The following XIRP2 variants were observed in gnomAD, a reference collection of about 807,000 sequenced individuals.
XIRP2 encodes xin actin-binding repeat-containing protein 2.
XIRP2 carries 236 observed loss-of-function variants against 277.0 expected under a neutral mutation model. The observed-to-expected ratio is 0.85, with a 90% CI of 0.77 to 0.95. XIRP2 has a LOEUF of 0.95. Ranked by LOEUF, XIRP2 falls within the 40% of genes least tolerant of loss-of-function variation. XIRP2 has a pLI of 0.00. For synonymous variants in XIRP2, 1,490 were observed against 1,416.5 expected (o/e 1.05, Z -1.17); for missense variants, 4,640 against 4,157.5 (o/e 1.12, Z -3.19).
At position 167,218,289 on chromosome 2, in the gene XIRP2, A is replaced by C; in HGVS notation, c.847A>C (p.Arg283=). The C allele has an allele frequency of 6.4e-7, 1 of 1,562,946 alleles. No homozygotes were observed. Among genetic ancestry groups the C allele is most frequent in the South Asian group, 1.2e-5 (1 of 81,958 alleles). Residue 283 remains arginine (R), a synonymous_variant, in exon 5 of 11, where the codon AGA becomes CGA. Coordinates refer to ENST00000409195, the MANE Select transcript of XIRP2 (RefSeq NM_152381.6). ...TCAATACCAATATCAACATCAGAACAGATCTGAGCAGGTAATACTACTACA... is the reference window on the plus strand; with the variant it reads ...TCAATACCAATATCAACATCAGAACCGATCTGAGCAGGTAATACTACTACA... ...FAQYQYQHQN[R]SEQEAIHSSQ...
chr2:167,089,056 T>G (rs1312985370), intron 2 of XIRP2, among the ~76,000 whole-genome samples: 1 of 152,152 alleles, frequency 6.6e-6, no homozygotes, highest in Non-Finnish European at 1.5e-5. Context: ...AGTGGAATAG[T>G]TACCCTGCTA....
At chr2:166,919,161 T>C (rs1441553558) in intron 2 of XIRP2, among the ~76,000 whole-genome samples, 1 of 152,150 alleles carries the variant, frequency 6.6e-6, no homozygotes. Context: ...TATTTCATAA[T>C]ACATGGCACA....
rs182864591 is a variant in XIRP2, at chr2:166,995,369, A to G, written c.408+91479A>G. On this transcript the variant is annotated intron_variant, in intron 2 of 10. Coordinates refer to ENST00000409195, the MANE Select transcript of XIRP2 (RefSeq NM_152381.6). ...TTCTCTAAGTGATGCTTTAAGTGGT[A>G]CTTTACCACAAGTACTGCCTCTCTA... Among the ~76,000 whole-genome samples, 482 of 152,278 alleles carry G rather than the reference A, an allele frequency of 3.2e-3. 2 individuals are homozygous for G. The highest frequency in any genetic ancestry group is 2.3e-3 in the Non-Finnish European group (158 of 68,026).
At chr2:167,049,696 T>C (rs1004514383) in intron 2 of XIRP2, among the ~76,000 whole-genome samples, 27 of 152,064 alleles carry the variant, frequency 1.8e-4, no homozygotes, top group African/African-American at 6.3e-4. Flanking sequence ...TTAACTTTTG[T>C]CTTTTTATCT....
At chr2:167,143,557 A>G (rs567339884) in intron 3 of XIRP2, among the ~76,000 whole-genome samples, 1 of 152,292 alleles carries the variant, frequency 6.6e-6, no homozygotes, top group South Asian at 2.1e-4. Context: ...CATTTCAATT[A>G]ATGTCTTTAT....
At chr2:167,050,462 C>T (rs1289423165) in intron 2 of XIRP2, among the ~76,000 whole-genome samples, 2 of 151,906 alleles carry the variant, frequency 1.3e-5, no homozygotes, top group East Asian at 1.9e-4. Flanking sequence ...CCAAGTGATA[C>T]GAAAGCCCAG....
chr2:167,015,001 G>A (rs138912587), intron 2 of XIRP2, among the ~76,000 whole-genome samples: 1 of 151,544 alleles, frequency 6.6e-6, no homozygotes, highest in African/African-American at 2.4e-5. Context: ...ACACATCCAC[G>A]AGTCTCCTTT....
At chr2:167,220,699 A>G (rs1049168651) in intron 5 of XIRP2, among the ~76,000 whole-genome samples, 13 of 152,306 alleles carry the variant, frequency 8.5e-5, no homozygotes, top group Admixed American at 7.2e-4. Context: ...TGGAATATAC[A>G]TGCTCCTTAC....
rs1695120335 is a variant in XIRP2 at position 167,242,944 on chromosome 2, A to G, written c.1552A>G (p.Ile518Val). The change falls in exon 9 of 11, where the codon ATC (isoleucine) becomes GTC (valine). Residue 518 changes from isoleucine (I) to valine (V), a missense_variant. Transcript: ENST00000409195. Reference protein sequence around the residue: ...ELRKNLEKDYISEVSEIVSSQ... With the variant: ...ELRKNLEKDYVSEVSEIVSSQ... The stretch of plus-strand genomic sequence containing the variant: ...AAGAAAAAACTTAGAAAAAGATTAT[A>G]TCAGTGAAGTTTCTGAGATTGTTTC... The G allele has an allele frequency of 1.2e-6, 2 of 1,613,628 alleles. No homozygotes were observed. Among genetic ancestry groups the G allele is most frequent in the African/African-American group, 1.3e-5 (1 of 74,852 alleles).
chr2:166,956,252 G>A (rs2083023369), intron 2 of XIRP2, among the ~76,000 whole-genome samples: 1 of 151,808 alleles, frequency 6.6e-6, no homozygotes, highest in Admixed American at 6.6e-5. Context: ...ATTATGATGA[G>A]CATTTTTTTG....
intron 2 of XIRP2, among the ~76,000 whole-genome samples, chr2:167,011,384 G>C (rs1186835497): frequency 2.0e-5 from 3 of 151,010 alleles, no homozygotes; most frequent in South Asian, 2.1e-4. Flanking sequence ...TTATTGATTT[G>C]TGTATATTGA....
chr2:167,058,900 T>C (rs1159295852), intron 2 of XIRP2, among the ~76,000 whole-genome samples: 1 of 152,076 alleles, frequency 6.6e-6, no homozygotes, highest in East Asian at 1.9e-4. Context: ...AGAACCCAAC[T>C]AGAGTAATTT....
At chr2:166,898,288 A>G (rs1394206423) in intron 1 of XIRP2, among the ~76,000 whole-genome samples, 1 of 152,100 alleles carries the variant, frequency 6.6e-6, no homozygotes, top group Admixed American at 6.6e-5. Flanking sequence ...TGAAGGGTGC[A>G]TTGGAACTGA....
At chr2:167,044,678 C>G (rs1394507104) in intron 2 of XIRP2, among the ~76,000 whole-genome samples, 1 of 151,934 alleles carries the variant, frequency 6.6e-6, no homozygotes, top group African/African-American at 2.4e-5. Context: ...ACAATAACCA[C>G]AAAAAGAATA....
rs565397582 is a variant in XIRP2 at position 167,086,980 on chromosome 2, T to C, written c.409-48929T>C. Among the ~76,000 whole-genome samples, 2 of 152,094 alleles carry C rather than the reference T, an allele frequency of 1.3e-5. 1 individual carries two copies. The highest frequency in any genetic ancestry group is 6.3e-3 in the Middle Eastern group (2 of 316). On this transcript the variant is annotated intron_variant, in intron 2 of 10. Coordinates refer to ENST00000409195, the MANE Select transcript of XIRP2 (RefSeq NM_152381.6). ...TCTCCATCCAGCTTTGTTCCGTTGCTGGTGAGGAACTGCGTTCCTTTGGAG... is the reference window on the plus strand; with the variant it reads ...TCTCCATCCAGCTTTGTTCCGTTGCCGGTGAGGAACTGCGTTCCTTTGGAG...
At chr2:167,107,634 G>T (rs1423557872) in intron 2 of XIRP2, among the ~76,000 whole-genome samples, 1 of 150,976 alleles carries the variant, frequency 6.6e-6, no homozygotes, top group Non-Finnish European at 1.5e-5. Context: ...ATCTATATGA[G>T]GTATATTGGT....
Position 167,248,858 on chromosome 2 carries a change from G to A in XIRP2, c.7466G>A (p.Arg2489Lys). ...GTTATTAGTAAGAGTCTTGATGAAA[G>A]AAAACAATTATCTATTGACTCTGCA... ...QNVISKSLDE[R>K]KQLSIDSANC... Residue 2489 changes from arginine to lysine, a missense_variant, in exon 9 of 11, where the codon AGA becomes AAA. Coordinates refer to ENST00000409195, the MANE Select transcript of XIRP2 (RefSeq NM_152381.6). The A allele has an allele frequency of 6.2e-7, 1 of 1,613,506 alleles. No homozygotes were observed. The highest frequency in any genetic ancestry group is 2.2e-5 in the East Asian group (1 of 44,826).
At position 167,258,977 on chromosome 2, in the gene XIRP2, A is replaced by G. The variant is rs759323118; in HGVS notation, c.*1160A>G. 6.2e-7 allele frequency: 1 copy of G among 1,612,132 alleles called. No homozygotes were observed. Among genetic ancestry groups the G allele is most frequent in the South Asian group, 1.1e-5 (1 of 90,906 alleles). On this transcript the variant is annotated 3_prime_UTR_variant, in exon 11 of 11. Transcript: ENST00000409195. ...CAGAGGCCTTATGGTAAAGGGGGGA[A>G]GTTCAATCATCTCTCCTGATACAAA... is the stretch of plus-strand genomic sequence containing the variant.
chr2:166,996,117 G>T (rs1446049313), intron 2 of XIRP2, among the ~76,000 whole-genome samples: 1 of 152,160 alleles, frequency 6.6e-6, no homozygotes, highest in African/African-American at 2.4e-5. Flanking sequence ...GAGGGCAAGG[G>T]TTGAATCTTT....
Sources: gnomAD v4.1 joint callset for allele counts (sites outside exome capture counted in the v4.1 genomes callset) on GRCh38, gnomAD v4.1.1 for gene constraint, MANE v1.5 for transcripts, NCBI Gene and HGNC (gene_info 2026-07-23, HGNC 2026-07-21) for gene names.